Variants in MAST2 observed in about 807,000 individuals in gnomAD.
MAST2 encodes microtubule-associated serine/threonine-protein kinase 2.
A neutral mutation model predicts 147.4 loss-of-function variants in MAST2; 70 were observed. The observed-to-expected ratio is 0.47, with a 90% CI of 0.39 to 0.58. The LOEUF (loss-of-function observed/expected upper bound fraction) is 0.58. Ranked by LOEUF, MAST2 falls within the 20% of genes least tolerant of loss-of-function variation. MAST2 has a pLI of 0.00. For synonymous variants in MAST2, 869 were observed against 896.8 expected (o/e 0.97, Z 0.55); for missense variants, 2,080 against 2,302.3 (o/e 0.90, Z 1.98).
intron 4 of MAST2, among the ~76,000 whole-genome samples, chr1:45,931,590 A>G (rs1301406368): frequency 1.3e-5 from 2 of 151,808 alleles, no homozygotes; most frequent in African/African-American, 2.4e-5. Context: ...CCCGGGTTCA[A>G]GCGATTCTCC....
rs58072402 is a variant in MAST2 at position 45,966,861 on chromosome 1, CTTTTTTTTT to C, written c.592+7399_592+7407del. On this transcript the variant is annotated intron_variant, in intron 5 of 28. Transcript: ENST00000361297. ...GTGGTGTCAGTGTGTGGATCTGGGT[CTTTTTTTTT>C]TTTTTTTTTTTTTTAAGGCAGGGTC... is the stretch of plus-strand genomic sequence containing the variant. 6.9e-4 allele frequency among the ~76,000 whole-genome samples: 77 copies of C among 111,080 alleles called. No individual in the cohort carries two copies. The East Asian group carries it at 0.017, about 25-fold the overall frequency. The allele number at this position is 111,080 out of a possible 152,430, so 72.9% of individuals were successfully genotyped here.
rs1646702797 is a variant in MAST2, at chr1:46,032,301, CCAT to C, written c.3319_3321del (p.Ile1107del). 2 of 1,614,224 alleles carry C rather than the reference CCAT, an allele frequency of 1.2e-6. No homozygotes were observed. The highest frequency in any genetic ancestry group is 1.7e-6 in the Non-Finnish European group (2 of 1,180,056). On this transcript the variant is annotated inframe_deletion, in exon 25 of 29. Transcript: ENST00000361297. ...CCAGCCCTTGGCAGCATGAGGCCTC[CCAT>C]CATCATCCACCGAGCTGGCAAGAAG...
chr1:45,929,319 C>T (rs894584282), intron 4 of MAST2, among the ~76,000 whole-genome samples: 1 of 152,062 alleles, frequency 6.6e-6, no homozygotes, highest in African/African-American at 2.4e-5. Flanking sequence ...TCCTCAGTTC[C>T]TTGGTCAGTG....
chr1:45,833,606 T>C (rs1645023016), intron 3 of MAST2, among the ~76,000 whole-genome samples: 1 of 152,222 alleles, frequency 6.6e-6, no homozygotes, highest in African/African-American at 2.4e-5. Context: ...CTTTGATTTC[T>C]CTACATCCTT....
chr1:45,893,367 A>T lies in MAST2; in HGVS notation c.500+10972A>T, dbSNP rs2148417898. Among the ~76,000 whole-genome samples, 3 of 151,792 alleles carry T rather than the reference A, an allele frequency of 2.0e-5. No homozygotes were observed. The East Asian group carries it at 5.8e-4, about 29-fold the overall frequency. ...AAGCATGCATCACCATGCCCAGCTT[A>T]TTTATTTCATTTAATTTATTTTTTA... On this transcript the variant is annotated intron_variant, in intron 4 of 28. Transcript: ENST00000361297.
intron 4 of MAST2, among the ~76,000 whole-genome samples, chr1:45,947,069 T>C (rs1173994834): frequency 6.6e-6 from 1 of 152,180 alleles, no homozygotes; most frequent in Admixed American, 6.5e-5. Context: ...GGCCTTCAAA[T>C]AATGTTATTA....
At chr1:45,891,204 T>G (rs1487552763) in intron 4 of MAST2, among the ~76,000 whole-genome samples, 1 of 152,166 alleles carries the variant, frequency 6.6e-6, no homozygotes, top group Non-Finnish European at 1.5e-5. Context: ...CAAACATTAT[T>G]TTGTGCACTG....
intron 1 of MAST2, among the ~76,000 whole-genome samples, chr1:45,811,496 G>A (rs1644298753): frequency 1.3e-5 from 2 of 150,802 alleles, no homozygotes; most frequent in Non-Finnish European, 2.9e-5. Context: ...CCACCACCAC[G>A]CTCGGCTAAT....
chr1:45,882,199 A>T (rs1030000022), intron 3 of MAST2, among the ~76,000 whole-genome samples, 165 bp from the exon 4 acceptor site: 8 of 124,160 alleles, frequency 6.4e-5, no homozygotes, highest in South Asian at 5.4e-4. Context: ...CTCAAAAAAA[A>T]AAAAAAATAA....
chr1:45,881,574 A>AT (rs1646846613), intron 3 of MAST2, among the ~76,000 whole-genome samples: 1 of 152,142 alleles, frequency 6.6e-6, no homozygotes, highest in Non-Finnish European at 1.5e-5. Context: ...CGTAAAGGTT[A>AT]TTTCTTATGC....
intron 3 of MAST2, among the ~76,000 whole-genome samples, chr1:45,848,613 A>G (rs549568685): frequency 2.6e-4 from 39 of 152,230 alleles, no homozygotes; most frequent in Admixed American, 1.1e-3. Context: ...CCATATGCTG[A>G]TTATATGCAG....
Position 45,939,980 on chromosome 1 carries a change from G to GTTTTTTTTTTT in MAST2, c.501-19395_501-19385dup, listed in dbSNP as rs1174123217. Among the ~76,000 whole-genome samples, 92 of 97,328 alleles carry GTTTTTTTTTTT rather than the reference G, an allele frequency of 9.5e-4. 4 individuals carry two copies. Among genetic ancestry groups the GTTTTTTTTTTT allele is most frequent in the East Asian group, 1.5e-3 (4 of 2,742 alleles). 63.9% of individuals were successfully genotyped at this position (97,328 alleles called of 152,430 possible). The stretch of plus-strand genomic sequence containing the variant: ...AACGGAAGTTCTCTATTTATTTAGG[G>GTTTTTTTTTTT]TTTTTTTTTTTTTTTTTTTTTGAGA... On this transcript the variant is annotated intron_variant, in intron 4 of 28. Coordinates refer to ENST00000361297, the MANE Select transcript of MAST2 (RefSeq NM_015112.3).
At chr1:45,975,205 T>C (rs570036498) in intron 5 of MAST2, among the ~76,000 whole-genome samples, 1 of 152,242 alleles carries the variant, frequency 6.6e-6, no homozygotes, top group Admixed American at 6.5e-5. Context: ...GTACTAAATG[T>C]GTGTCCAGGG....
intron 4 of MAST2, among the ~76,000 whole-genome samples, chr1:45,937,515 C>T (rs527448191): frequency 1.1e-4 from 17 of 151,888 alleles, no homozygotes; most frequent in African/African-American, 3.6e-4. Context: ...TTTGGGAGGC[C>T]GAGGCAGGTG....
chr1:46,013,408 C>T (rs939229468), intron 10 of MAST2, among the ~76,000 whole-genome samples: 11 of 152,150 alleles, frequency 7.2e-5, no homozygotes, highest in South Asian at 2.1e-4. Context: ...GGGCCAGGTG[C>T]GGTGGCTCAC....
At position 46,031,493 on chromosome 1, in the gene MAST2, C is replaced by G; in HGVS notation, c.3095C>G (p.Ser1032Cys). 6.2e-7 allele frequency: 1 copy of G among 1,614,186 alleles called. No individual in the cohort carries two copies. The highest frequency in any genetic ancestry group is 8.5e-7 in the Non-Finnish European group (1 of 1,180,030). ...CGTAGGGCCCGCCACCGGCTGCTCT[C>G]TGGGGACTCAACAGAGAAGCGCACT... is the stretch of plus-strand genomic sequence containing the variant. ...AVRRARHRLL[S>C]GDSTEKRTAR... Residue 1032 changes from serine to cysteine, a missense_variant, in exon 24 of 29, where the codon TCT becomes TGT. By Grantham distance (112) the Ser-to-Cys change is moderately radical. Coordinates refer to ENST00000361297, the MANE Select transcript of MAST2 (RefSeq NM_015112.3). The surrounding 1 kb of genome is among the most constrained non-coding windows in gnomAD (Gnocchi z 4.1).
At chr1:45,888,207 A>C (rs1647176914) in intron 4 of MAST2, among the ~76,000 whole-genome samples, 1 of 152,140 alleles carries the variant, frequency 6.6e-6, no homozygotes, top group Non-Finnish European at 1.5e-5. Context: ...TGTCTTTCTC[A>C]AAAATCAGGT....
chr1:46,009,570 T>G (rs371420279), intron 9 of MAST2, among the ~76,000 whole-genome samples: 1 of 152,226 alleles, frequency 6.6e-6, no homozygotes, highest in Admixed American at 6.5e-5. Context: ...ATATGGTGTT[T>G]ATGAAGTTTG....
chr1:45,928,481 A>G (rs953353574), intron 4 of MAST2, among the ~76,000 whole-genome samples: 11 of 152,210 alleles, frequency 7.2e-5, no homozygotes, highest in African/African-American at 1.2e-4. Context: ...AGGAAATTTT[A>G]TATAATGAAA....
Sources: allele counts gnomAD v4.1 joint callset (sites outside exome capture counted in the v4.1 genomes callset), GRCh38; gene constraint gnomAD v4.1.1; non-coding constraint Gnocchi (gnomAD v3.1); transcripts MANE v1.5; gene names NCBI Gene and HGNC (gene_info 2026-07-23, HGNC 2026-07-21).